The following FBN1 variants were observed in gnomAD, a reference collection of about 807,000 sequenced individuals.
FBN1 encodes fibrillin-1.
FBN1 carries 29 observed loss-of-function variants against 365.1 expected under a neutral mutation model. The observed-to-expected ratio is 0.08, with a 90% CI of 0.06 to 0.11. FBN1 has a LOEUF of 0.11. FBN1 is among the 10% of genes least tolerant of loss of function. The probability of loss-of-function intolerance (pLI) is 1.00; values close to 1 mark genes in which losing one functional copy is unlikely to be tolerated. For synonymous variants in FBN1, 1,210 were observed against 1,270.5 expected (o/e 0.95, Z 1.01); for missense variants, 2,476 against 3,703.2 (o/e 0.67, Z 8.60).
At position 48,520,917 on chromosome 15, in the gene FBN1, C is replaced by T. The variant is rs889865761; in HGVS notation, c.989-100G>A. 58 of 1,510,338 alleles carry T rather than the reference C, an allele frequency of 3.8e-5. No individual in the cohort carries two copies. The African/African-American group carries it at 4.2e-4, about 11-fold the overall frequency. The allele number at this position is 1,510,338 out of a possible 1,614,324, so 93.6% of individuals were successfully genotyped here. ...AGCTCCATACTTCACACTGGGGCTA[C>T]GGCAGGATTAACTCACACCTCTGCC... On this transcript the variant is annotated intron_variant, in intron 9 of 65. Coordinates refer to ENST00000316623, the MANE Select transcript of FBN1 (RefSeq NM_000138.5).
intron 46 of FBN1, among the ~76,000 whole-genome samples, chr15:48,447,613 G>C (rs2043169859): frequency 6.6e-6 from 1 of 152,116 alleles, no homozygotes; most frequent in Non-Finnish European, 1.5e-5. Flanking sequence ...AAAGAAAGTT[G>C]TTACTGCTGG....
At chr15:48,601,488 A>G (rs906828332) in intron 4 of FBN1, among the ~76,000 whole-genome samples, 6 of 152,188 alleles carry the variant, frequency 3.9e-5, no homozygotes, top group African/African-American at 1.4e-4. Context: ...AGGTTCGATA[A>G]TTTTAGCTAA....
chr15:48,554,566 A>G (rs563142468), intron 6 of FBN1, among the ~76,000 whole-genome samples: 90 of 152,306 alleles, frequency 5.9e-4, no homozygotes, highest in African/African-American at 2.0e-3. Context: ...CCCTGTGGAG[A>G]AGCAGGAAAG....
chr15:48,598,904 A>G (rs1215818458), intron 5 of FBN1, among the ~76,000 whole-genome samples: 1 of 152,174 alleles, frequency 6.6e-6, no homozygotes, highest in Non-Finnish European at 1.5e-5. Flanking sequence ...TCTCTTTCCC[A>G]TGCTGTTCCC....
intron 4 of FBN1, among the ~76,000 whole-genome samples, chr15:48,600,557 A>G (rs1427161370): frequency 2.0e-5 from 3 of 152,170 alleles, no homozygotes; most frequent in African/African-American, 4.8e-5. Context: ...TACAAAAATT[A>G]GCCAGGCGTA....
At chr15:48,496,641 T>G (rs907023204) in intron 19 of FBN1, among the ~76,000 whole-genome samples, 1 of 152,170 alleles carries the variant, frequency 6.6e-6, no homozygotes, top group Admixed American at 6.5e-5. Flanking sequence ...TGGTCCAACT[T>G]TGAAATGTGT....
At chr15:48,434,489 T>C in intron 54 of FBN1, 105 bp downstream of exon 54, 1 of 1,452,072 alleles carries the variant, frequency 6.9e-7, no homozygotes. Context: ...TAGATGATCT[T>C]TATTATATAC....
At chr15:48,528,292 G>T (rs1200670799) in intron 8 of FBN1, among the ~76,000 whole-genome samples, 1 of 152,202 alleles carries the variant, frequency 6.6e-6, no homozygotes, top group African/African-American at 2.4e-5. Context: ...CAGAATGGGG[G>T]AAACATCTTT....
intron 2 of FBN1, among the ~76,000 whole-genome samples, chr15:48,636,679 T>C (rs1404778847): frequency 6.6e-6 from 1 of 152,134 alleles, no homozygotes; most frequent in African/African-American, 2.4e-5. Context: ...AGTGGGTCCA[T>C]TTAGATAAAC....
In FBN1 at chr15:48,644,864, G is replaced by A. The variant is rs914482757; in HGVS notation, c.-95C>T. The stretch of plus-strand genomic sequence containing the variant: ...GCCCTGAAGCGCACCGCGCCGCCGG[G>A]GTCCCGCTATCCCGCCGCCCGTCCC... On this transcript the variant is annotated 5_prime_UTR_variant, in exon 2 of 66. Coordinates refer to ENST00000316623, the MANE Select transcript of FBN1 (RefSeq NM_000138.5). 1.8e-5 allele frequency: 22 copies of A among 1,235,818 alleles called. No individual in the cohort carries two copies. The highest frequency in any genetic ancestry group is 2.2e-5 in the Non-Finnish European group (21 of 973,594). 76.6% of individuals were successfully genotyped at this position (1,235,818 alleles called of 1,614,324 possible).
intron 41 of FBN1, 76 bp downstream of exon 41, chr15:48,463,823 G>A (rs2043299342): frequency 2.7e-6 from 4 of 1,472,954 alleles, no homozygotes; most frequent in South Asian, 2.4e-5. Context: ...TCACCCTAAG[G>A]TGATGAACTT....
intron 2 of FBN1, among the ~76,000 whole-genome samples, chr15:48,640,039 A>C (rs1346693330): frequency 6.6e-6 from 1 of 152,210 alleles, no homozygotes; most frequent in Non-Finnish European, 1.5e-5. Flanking sequence ...TTTTTAAAGT[A>C]TATGCTACAC....
intron 55 of FBN1, 110 bp from the exon 56 acceptor site, chr15:48,430,912 T>C (rs764582765): frequency 5.8e-5 from 57 of 986,882 alleles, no homozygotes; most frequent in Middle Eastern, 2.6e-4. Flanking sequence ...TCATCTGTTA[T>C]TTCACTACTG....
chr15:48,427,608 T>G lies in FBN1; in HGVS notation c.7163A>C (p.Lys2388Thr). 1 of 1,614,178 alleles carries G rather than the reference T, an allele frequency of 6.2e-7. No individual in the cohort carries two copies. Among genetic ancestry groups the G allele is most frequent in the Non-Finnish European group, 8.5e-7 (1 of 1,180,004 alleles). Residue 2388 changes from lysine to threonine, a missense_variant, in exon 58 of 66, where the codon AAA becomes ACA. Physicochemically the swap from Lys to Thr is moderately conservative, Grantham distance 78. Coordinates refer to ENST00000316623, the MANE Select transcript of FBN1 (RefSeq NM_000138.5). ...CPFQGTVAFK[K>T]LCPHGRGFMT... ...GAATCCTCGGCCATGGGGACAGAGT[T>G]TCTTGAAAGCCACAGTCCCCTGGAA...
intron 2 of FBN1, among the ~76,000 whole-genome samples, chr15:48,640,206 C>G (rs1289174544): frequency 6.6e-6 from 1 of 152,004 alleles, no homozygotes; most frequent in Non-Finnish European, 1.5e-5. Flanking sequence ...TTATAAACAA[C>G]CTCTATGTCT....
intron 2 of FBN1, among the ~76,000 whole-genome samples, chr15:48,622,812 G>A (rs895235712): frequency 3.3e-5 from 5 of 151,882 alleles, no homozygotes; most frequent in Non-Finnish European, 5.9e-5. Flanking sequence ...ACTCATGCAC[G>A]CACTGCTATC....
At chr15:48,545,644 G>A (rs1381765038) in intron 6 of FBN1, among the ~76,000 whole-genome samples, 2 of 152,240 alleles carry the variant, frequency 1.3e-5, no homozygotes, top group Non-Finnish European at 2.9e-5. Context: ...GCACAACAAT[G>A]TGAATGTACT....
intron 3 of FBN1, among the ~76,000 whole-genome samples, chr15:48,612,595 T>C (rs530322195): frequency 5.3e-5 from 8 of 152,180 alleles, no homozygotes; most frequent in Non-Finnish European, 1.2e-4. Context: ...CTCCTTCCTT[T>C]CCCCTCTGTC....
Position 48,488,102 on chromosome 15 carries a change from C to T in FBN1, c.3337+11G>A, listed in dbSNP as rs368726848. 1.2e-4 allele frequency: 188 copies of T among 1,613,976 alleles called. No individual in the cohort carries two copies. The highest frequency in any genetic ancestry group is 1.7e-4 in the Admixed American group (10 of 59,990). ...TCTCTTTCTGTGTTGATCAAATGAT[C>T]CCAAACTTACCCATGCAGTTCTTCA... On this transcript the variant is annotated intron_variant, in intron 27 of 65. Transcript: ENST00000316623.
Sources: allele counts gnomAD v4.1 joint callset (sites outside exome capture counted in the v4.1 genomes callset), GRCh38; gene constraint gnomAD v4.1.1; transcripts MANE v1.5; gene names NCBI Gene and HGNC (gene_info 2026-07-23, HGNC 2026-07-21).